DAB1: variants seen among roughly 807,000 people sequenced by gnomAD.
DAB1 encodes the protein disabled homolog 1.
In DAB1, 15 loss-of-function variants were observed where a neutral mutation model predicts 64.6. The observed-to-expected ratio is 0.23, with a 90% confidence interval of 0.16 to 0.36. DAB1 has a LOEUF of 0.36. Among genes scored for constraint, DAB1 ranks in the 10% least tolerant of loss-of-function variants. The probability of loss-of-function intolerance (pLI) is 1.00; values close to 1 mark genes in which losing one functional copy is unlikely to be tolerated. For synonymous variants in DAB1, 235 were observed against 251.9 expected, an observed-to-expected ratio of 0.93 and a Z score of 0.64; for missense variants, 596 against 706.7, an observed-to-expected ratio of 0.84 and a Z score of 1.78.
chr1:58,317,673 C>A (rs924083561), intron 4 of DAB1, among the ~76,000 whole-genome samples: 6 of 152,224 alleles, frequency 3.9e-5, no homozygotes, highest in African/African-American at 1.4e-4. Flanking sequence ...TACTTCTGAA[C>A]CTCCAGATAA....
chr1:57,034,281 A>G (rs867173099), intron 9 of DAB1, among the ~76,000 whole-genome samples: 3 of 151,170 alleles, frequency 2.0e-5, no homozygotes, highest in Admixed American at 2.0e-4. Context: ...TCCATTTCAA[A>G]AAAAAAAAAA....
chr1:57,068,162 G>A (rs1651106264), intron 8 of DAB1, among the ~76,000 whole-genome samples: 1 of 152,114 alleles, frequency 6.6e-6, no homozygotes, highest in Admixed American at 6.6e-5. Flanking sequence ...ATTTAAAAGG[G>A]GCCCTCTCTT....
At chr1:57,856,608 C>CA (rs1457673950) in intron 1 of DAB1, among the ~76,000 whole-genome samples, 1 of 151,662 alleles carries the variant, frequency 6.6e-6, no homozygotes, top group African/African-American at 2.4e-5. Context: ...ACTAAAATTA[C>CA]AAAAAATTAG....
intron 4 of DAB1, among the ~76,000 whole-genome samples, chr1:58,163,488 T>G (rs570056241): frequency 3.7e-4 from 57 of 152,120 alleles, no homozygotes; most frequent in African/African-American, 1.3e-3. Context: ...CATCCCAGAG[T>G]TGGAAGTTGA....
At chr1:58,051,048 A>T (rs1039484050) in intron 5 of DAB1, among the ~76,000 whole-genome samples, 59 of 151,956 alleles carry the variant, frequency 3.9e-4, no homozygotes, top group East Asian at 1.9e-3. Flanking sequence ...AAGAGAAGAA[A>T]TTTTTTTTAT....
rs572603645 is a variant in DAB1, at chr1:57,941,575, G to A, written n.388-57413C>T. 1.4e-4 allele frequency among the ~76,000 whole-genome samples: 21 copies of A among 152,332 alleles called. 1 individual carries two copies. The South Asian group carries it at 2.1e-3, about 15-fold the overall frequency. On this transcript the variant is annotated intron_variant and non_coding_transcript_variant, in intron 5 of 20. Coordinates refer to the DAB1 transcript ENST00000485760. ...GAATGGGCCGGGCATGGTGGCTCAC[G>A]CCTGTAATCCCAGCACTTTGGGAGG...
At chr1:57,437,162 G>A (rs1046415117) in intron 7 of DAB1, among the ~76,000 whole-genome samples, 5 of 152,068 alleles carry the variant, frequency 3.3e-5, no homozygotes, top group South Asian at 2.1e-4. Flanking sequence ...GAAAGGGTAA[G>A]ACTTTCAACT....
chr1:58,310,009 A>G (rs1455050352), intron 4 of DAB1, among the ~76,000 whole-genome samples: 2 of 152,174 alleles, frequency 1.3e-5, no homozygotes, highest in Non-Finnish European at 2.9e-5. Context: ...TTTCAAAAAT[A>G]ATGTGCTTTT....
chr1:57,388,169 A>G (rs1237497281), intron 1 of DAB1, among the ~76,000 whole-genome samples: 1 of 152,178 alleles, frequency 6.6e-6, no homozygotes, highest in Non-Finnish European at 1.5e-5. Context: ...CGCAAATGTG[A>G]TTATTTCTCC....
chr1:58,282,242 T>G (rs1156771948), intron 4 of DAB1, among the ~76,000 whole-genome samples: 4 of 152,170 alleles, frequency 2.6e-5, no homozygotes, highest in Admixed American at 2.0e-4. Flanking sequence ...CTACACTGCC[T>G]CACAGTATCT....
intron 5 of DAB1, among the ~76,000 whole-genome samples, chr1:57,971,801 G>T (rs1393693768): frequency 6.6e-6 from 1 of 152,130 alleles, no homozygotes; most frequent in Non-Finnish European, 1.5e-5. Context: ...ACAGAAGAGG[G>T]CAGGTCCCAC....
At chr1:58,357,836 G>A (rs1644126045) in intron 3 of DAB1, among the ~76,000 whole-genome samples, 1 of 152,130 alleles carries the variant, frequency 6.6e-6, no homozygotes, top group African/African-American at 2.4e-5. Context: ...GTGGGAAAAG[G>A]AGGAACCTGT....
At chr1:57,858,200 A>AT (rs539382993) in intron 1 of DAB1, among the ~76,000 whole-genome samples, 8 of 152,050 alleles carry the variant, frequency 5.3e-5, no homozygotes, top group South Asian at 4.2e-4. Flanking sequence ...TTGGAAGGGT[A>AT]TTTTTTTTAG....
chr1:57,369,115 T>G (rs1680292247), intron 1 of DAB1, among the ~76,000 whole-genome samples: 1 of 152,218 alleles, frequency 6.6e-6, no homozygotes, highest in South Asian at 2.1e-4. Context: ...GGAGCTAGAC[T>G]GATTCAGGGT....
At chr1:58,490,795 C>CTTTTTTTTTT (rs148145860) in intron 3 of DAB1, among the ~76,000 whole-genome samples, 3 of 59,244 alleles carry the variant, frequency 5.1e-5, no homozygotes, top group African/African-American at 1.3e-4. Flanking sequence ...AGTCAACATT[C>CTTTTTTTTTT]TTTTTTTTTT....
At chr1:58,268,713 A>G (rs1289200284) in intron 4 of DAB1, among the ~76,000 whole-genome samples, 3 of 152,230 alleles carry the variant, frequency 2.0e-5, no homozygotes, top group African/African-American at 7.2e-5. Context: ...CTACAGATTT[A>G]ATTCTTATCA....
At position 58,126,504 on chromosome 1, in the gene DAB1, G is replaced by A. The variant is rs1253707154; in HGVS notation, n.387+24007C>T. On this transcript the variant is annotated intron_variant and non_coding_transcript_variant, in intron 5 of 20. Coordinates refer to the DAB1 transcript ENST00000485760. Reference sequence around the variant, plus strand: ...AAGTTTTAGGGTACATGTGCACATTGTGCAGGTTAGTTACATATGTATACA... The same window carrying A: ...AAGTTTTAGGGTACATGTGCACATTATGCAGGTTAGTTACATATGTATACA... Among the ~76,000 whole-genome samples, 4 of 146,796 alleles carry A rather than the reference G, an allele frequency of 2.7e-5. No individual in the cohort carries two copies. In the East Asian group the frequency reaches 8.0e-4, roughly 29 times the overall value.
intron 4 of DAB1, among the ~76,000 whole-genome samples, chr1:58,220,342 A>G (rs1659092046): frequency 1.3e-5 from 2 of 152,218 alleles, no homozygotes; most frequent in African/African-American, 4.8e-5. Flanking sequence ...CAAGCACCCC[A>G]GGTGTGAAGA....
In DAB1 at chr1:57,280,792, G is replaced by A. The variant is rs17455469; in HGVS notation, c.67+10172C>T. ...GAATGCCACATAATAAGAATCTCAA[G>A]AGCCAACTCTTAGGGGAGATTTTTT... On this transcript the variant is annotated intron_variant, in intron 2 of 14. Transcript: ENST00000371236. 8.2e-3 allele frequency among the ~76,000 whole-genome samples: 1,244 copies of A among 152,244 alleles called. 31 individuals are homozygous for A. The highest frequency in any genetic ancestry group is 0.08 in the East Asian group (414 of 5,172).
Sources: gnomAD v4.1 joint callset for allele counts (sites outside exome capture counted in the v4.1 genomes callset) on GRCh38, gnomAD v4.1.1 for gene constraint, MANE v1.5 for transcripts, NCBI Gene and HGNC (gene_info 2026-07-23, HGNC 2026-07-21) for gene names.